The following NAA35 variants were observed in gnomAD, a reference collection of about 807,000 sequenced individuals.
The protein encoded by NAA35 is MAK10 homolog, amino-acid N-acetyltransferase subunit.
Under a neutral mutation model 101.7 loss-of-function variants are expected in NAA35, and 18 were observed. The ratio of observed to expected loss-of-function variants is 0.18; its 90% CI spans 0.12 to 0.26. The LOEUF (loss-of-function observed/expected upper bound fraction) is 0.26. Among genes scored for constraint, NAA35 ranks in the 10% least tolerant of loss-of-function variants. The pLI is 1.00. For synonymous variants in NAA35, 267 were observed against 273.1 expected, an observed-to-expected ratio of 0.98 and a Z score of 0.22; for missense variants, 601 against 886.8, an observed-to-expected ratio of 0.68 and a Z score of 4.09.
At chr9:85,953,264 A>G (rs1244175886) in intron 2 of NAA35, among the ~76,000 whole-genome samples, 1 of 145,514 alleles carries the variant, frequency 6.9e-6, no homozygotes, top group African/African-American at 2.6e-5. Flanking sequence ...TTTTAAGTGT[A>G]CACTTCAGTG....
At chr9:85,956,791 T>C (rs1260271586) in intron 3 of NAA35, among the ~76,000 whole-genome samples, 1 of 152,208 alleles carries the variant, frequency 6.6e-6, no homozygotes, top group Non-Finnish European at 1.5e-5. Flanking sequence ...GCTGAATACC[T>C]GAGACTGGGT....
Position 86,023,249 on chromosome 9 carries a change from A to T in NAA35, c.*1289A>T, listed in dbSNP as rs567438970. Among the ~76,000 whole-genome samples the T allele has an allele frequency of 1.7e-4, 26 of 152,234 alleles. No homozygotes were observed. The East Asian group carries it at 2.3e-3, about 14-fold the overall frequency. On this transcript the variant is annotated 3_prime_UTR_variant, in exon 23 of 23. Coordinates refer to ENST00000361671, the MANE Select transcript of NAA35 (RefSeq NM_024635.4). ...TCAGAACCGAAAAATCTTAAAAAAAATTATTTTTTAAGTAGCCTGTACAAT... is the reference window on the plus strand; with the variant it reads ...TCAGAACCGAAAAATCTTAAAAAAATTTATTTTTTAAGTAGCCTGTACAAT...
intron 11 of NAA35, among the ~76,000 whole-genome samples, chr9:85,983,087 A>G (rs1830499715): frequency 6.6e-6 from 1 of 152,192 alleles, no homozygotes; most frequent in Non-Finnish European, 1.5e-5. Context: ...TTGCTGAGTG[A>G]CATTCCTGAA....
intron 17 of NAA35, among the ~76,000 whole-genome samples, chr9:86,016,031 A>G (rs546064408): frequency 2.6e-5 from 4 of 151,926 alleles, no homozygotes; most frequent in African/African-American, 9.6e-5. Flanking sequence ...ATATATATAT[A>G]TATCTCGTAG....
At chr9:85,947,515 G>T (rs1456789718) in intron 2 of NAA35, among the ~76,000 whole-genome samples, 1 of 152,194 alleles carries the variant, frequency 6.6e-6, no homozygotes, top group Non-Finnish European at 1.5e-5. Flanking sequence ...AAGAGGTGGA[G>T]CATGGGTGAG....
chr9:85,976,582 A>G, intron 8 of NAA35, 103 bp from the exon 9 acceptor site: 1 of 790,822 alleles, frequency 1.3e-6, no homozygotes, highest in Non-Finnish European at 1.9e-6. Flanking sequence ...TTCCCCAAAA[A>G]CAGATTCTTG....
chr9:86,020,163 T>C (rs549664390), intron 21 of NAA35, among the ~76,000 whole-genome samples: 1 of 152,290 alleles, frequency 6.6e-6, no homozygotes, highest in East Asian at 1.9e-4. Context: ...ATTGGTAGTT[T>C]TGTTTCCTTC....
chr9:86,022,157 C>T lies in NAA35; in HGVS notation c.*197C>T, dbSNP rs944210820. Reference sequence around the variant, plus strand: ...CTGTTTTAAAGTGGTTTATTATGTTCCATGGAAGAAACTGGTCTTATTGAA... The same window carrying T: ...CTGTTTTAAAGTGGTTTATTATGTTTCATGGAAGAAACTGGTCTTATTGAA... On this transcript the variant is annotated 3_prime_UTR_variant, in exon 23 of 23. Transcript: ENST00000361671. The T allele has an allele frequency of 2.1e-6, 1 of 471,854 alleles. No individual in the cohort carries two copies. The highest frequency in any genetic ancestry group is 3.7e-6 in the Non-Finnish European group (1 of 269,076). 29.2% of individuals were successfully genotyped at this position (471,854 alleles called of 1,614,324 possible). A position where few individuals can be genotyped will look rare whatever the true frequency, so the allele number is the denominator to read the frequency against.
At chr9:85,949,598 C>T (rs1254924824) in intron 2 of NAA35, among the ~76,000 whole-genome samples, 1 of 151,926 alleles carries the variant, frequency 6.6e-6, no homozygotes, top group Non-Finnish European at 1.5e-5. Context: ...TGGCCCCTTT[C>T]TTTCCTATTT....
At chr9:85,948,787 C>T (rs909108825) in intron 2 of NAA35, among the ~76,000 whole-genome samples, 17 of 151,796 alleles carry the variant, frequency 1.1e-4, no homozygotes, top group Non-Finnish European at 1.6e-4. Flanking sequence ...TGTGGAGTTT[C>T]GCTCTTGCTG....
chr9:86,007,532 CCTT>C (rs1334515971), intron 14 of NAA35, 68 bp downstream of exon 14: 3 of 1,125,238 alleles, frequency 2.7e-6, no homozygotes, highest in Non-Finnish European at 2.6e-6. Context: ...TCTCTGTACT[CCTT>C]CTTTATAGCC....
chr9:85,980,884 A>G (rs1471591917), intron 11 of NAA35, among the ~76,000 whole-genome samples: 2 of 152,168 alleles, frequency 1.3e-5, no homozygotes, highest in Non-Finnish European at 2.9e-5. Flanking sequence ...AGAAATTTAT[A>G]TGCTTCAAAT....
At chr9:85,998,876 G>T (rs1831292789) in intron 12 of NAA35, among the ~76,000 whole-genome samples, 1 of 152,166 alleles carries the variant, frequency 6.6e-6, no homozygotes, top group African/African-American at 2.4e-5. Flanking sequence ...TTCCCCTTTG[G>T]TTGCTGGTTG....
In NAA35 at chr9:86,024,381, C is replaced by T. The variant is rs2118563402; in HGVS notation, c.*2421C>T. ...GCAAGGAGAAGCCGATACCCAAAAC[C>T]CTGGGAGGCCACAGGTTAAAGATTT... On this transcript the variant is annotated 3_prime_UTR_variant, in exon 23 of 23. Coordinates refer to ENST00000361671, the MANE Select transcript of NAA35 (RefSeq NM_024635.4). Among the ~76,000 whole-genome samples the T allele has an allele frequency of 6.6e-6, 1 of 152,186 alleles. No homozygotes were observed. Among genetic ancestry groups the T allele is most frequent in the South Asian group, 2.1e-4 (1 of 4,816 alleles).
intron 2 of NAA35, among the ~76,000 whole-genome samples, chr9:85,946,812 C>G (rs1564283616): frequency 6.6e-6 from 1 of 152,046 alleles, no homozygotes; most frequent in Admixed American, 6.6e-5. Context: ...CCTCCGTAGT[C>G]AGTCTTTATT....
intron 6 of NAA35, among the ~76,000 whole-genome samples, chr9:85,972,240 TCA>T (rs916324834): frequency 2.6e-5 from 4 of 152,204 alleles, no homozygotes; most frequent in Non-Finnish European, 5.9e-5. Context: ...ATGTGGTGGC[TCA>T]CACCTGTAAT....
intron 11 of NAA35, chr9:85,986,453 T>C (rs1395800917): frequency 4.3e-6 from 2 of 470,052 alleles, no homozygotes; most frequent in Non-Finnish European, 8.8e-6. Flanking sequence ...ACACATTGTC[T>C]CTGACTTCCT....
intron 6 of NAA35, among the ~76,000 whole-genome samples, chr9:85,963,642 A>G (rs1291469598): frequency 6.6e-6 from 1 of 152,134 alleles, no homozygotes; most frequent in Non-Finnish European, 1.5e-5. Context: ...ATTTGTATTG[A>G]TATGGGTATC....
In NAA35 at chr9:85,993,340, T is replaced by C. The variant is rs545229775; in HGVS notation, c.878-3059T>C. ...GGCGTACACCACCACACCTGGCTAA[T>C]TTTTGTGTTTTTAGTAGAGATGGGG... On this transcript the variant is annotated intron_variant, in intron 11 of 22. Transcript: ENST00000361671. Among the ~76,000 whole-genome samples, 10 of 152,264 alleles carry C rather than the reference T, an allele frequency of 6.6e-5. No homozygotes were observed. The South Asian group carries it at 8.3e-4, about 13-fold the overall frequency.
Sources: gnomAD v4.1 joint callset for allele counts (sites outside exome capture counted in the v4.1 genomes callset) on GRCh38, gnomAD v4.1.1 for gene constraint, MANE v1.5 for transcripts, NCBI Gene and HGNC (gene_info 2026-07-23, HGNC 2026-07-21) for gene names.